SETD4: variants seen among roughly 807,000 people sequenced by gnomAD.
SETD4 encodes SET domain containing 4, also known as SET domain-containing protein 4.
Under a neutral mutation model 58.3 loss-of-function variants are expected in SETD4, and 46 were observed. That is an observed-to-expected ratio of 0.79 (90% confidence interval 0.62 to 1.01). SETD4 has a LOEUF of 1.01. Among genes scored for constraint, SETD4 ranks in the 50% least tolerant of loss-of-function variants. SETD4 has a pLI of 0.00. For missense variants in SETD4, 490 were observed against 523.3 expected (o/e 0.94, Z 0.62); for synonymous variants, 190 against 202.6 (o/e 0.94, Z 0.53).
intron 1 of SETD4, 21 bp from the exon 2 acceptor site, chr21:36,058,945 A>G: frequency 6.5e-7 from 1 of 1,528,584 alleles, no homozygotes. Context: ...AAAAAGGACA[A>G]AACTGTAATT....
chr21:36,049,981 C>T (rs1239946482), intron 4 of SETD4, among the ~76,000 whole-genome samples: 3 of 152,178 alleles, frequency 2.0e-5, no homozygotes, highest in Non-Finnish European at 2.9e-5. Flanking sequence ...CTTAATACTA[C>T]TGAACTTCAA....
chr21:36,052,384 T>TAAAA (rs143468751), intron 4 of SETD4, among the ~76,000 whole-genome samples: 7 of 122,696 alleles, frequency 5.7e-5, no homozygotes, highest in African/African-American at 2.2e-4. Flanking sequence ...CTGTCTCTAC[T>TAAAA]AAAAAAAAAA....
chr21:36,056,357 G>A (rs1483992918), intron 3 of SETD4, among the ~76,000 whole-genome samples: 2 of 152,190 alleles, frequency 1.3e-5, no homozygotes, highest in African/African-American at 2.4e-5. Context: ...GCCCTGTGAT[G>A]TAGAATTTTG....
rs778365890 is a variant in SETD4, at chr21:36,043,760, TAAG to T, written c.901+19_901+21del. On this transcript the variant is annotated intron_variant, in intron 7 of 11. Transcript: ENST00000332131. ...GAAAAAAATTATATAGTGTTAATGTTAAGAACAAAGTTGATTCCAACCTCTTGA... is the reference window on the plus strand; with the variant it reads ...GAAAAAAATTATATAGTGTTAATGTTAACAAAGTTGATTCCAACCTCTTGA... 4 of 1,612,630 alleles carry T rather than the reference TAAG, an allele frequency of 2.5e-6. No individual in the cohort carries two copies. The African/African-American group carries it at 5.3e-5, about 22-fold the overall frequency.
chr21:36,037,309 A>G (rs1205634610), intron 10 of SETD4, among the ~76,000 whole-genome samples: 1 of 152,174 alleles, frequency 6.6e-6, no homozygotes, highest in Non-Finnish European at 1.5e-5. Context: ...TTACTGACCA[A>G]TTAAAAATAA....
chr21:36,036,083 A>C lies in SETD4; in HGVS notation c.*32+2T>G. ...AGTCTAAAATGTGTGACTAACACCC[A>C]CCAGAGGAGGTGACCAAATGCGCTT... is the stretch of plus-strand genomic sequence containing the variant. On this transcript the variant is annotated splice_donor_variant, in intron 11 of 11. Transcript: ENST00000332131. LOFTEE classifies it low-confidence loss of function (3UTR_SPLICE). 1 of 1,614,148 alleles carries C rather than the reference A, an allele frequency of 6.2e-7. No individual in the cohort carries two copies. Among genetic ancestry groups the C allele is most frequent in the Non-Finnish European group, 8.5e-7 (1 of 1,179,992 alleles).
intron 7 of SETD4, chr21:36,042,099 G>A (rs2064093337): frequency 2.7e-6 from 1 of 366,400 alleles, no homozygotes; most frequent in African/African-American, 2.2e-5. Context: ...TTCAAGGCTG[G>A]AGGACTAAAC....
At position 36,041,906 on chromosome 21, in the gene SETD4, A is replaced by AAT. The variant is rs977554130; in HGVS notation, c.902-20_902-19dup. 2.1e-5 allele frequency: 29 copies of AAT among 1,365,542 alleles called. No homozygotes were observed. In the African/African-American group the frequency reaches 3.7e-4, roughly 17 times the overall value. 84.6% of individuals were successfully genotyped at this position (1,365,542 alleles called of 1,614,324 possible). On this transcript the variant is annotated intron_variant, in intron 7 of 11. Coordinates refer to ENST00000332131, the MANE Select transcript of SETD4 (RefSeq NM_017438.5). ...AAGTATTTCTATATTCAAAAAAAAA[A>AAT]ATCAGACTGTTAGGGCATAAATTTG...
intron 4 of SETD4, 37 bp downstream of exon 4, chr21:36,053,546 C>T: frequency 6.2e-7 from 1 of 1,612,456 alleles, no homozygotes; most frequent in Non-Finnish European, 8.5e-7. Context: ...GCAGCAAAAT[C>T]TACATTGGGT....
At chr21:36,058,369 C>CATGT (rs549094441) in intron 2 of SETD4, among the ~76,000 whole-genome samples, 131 of 152,156 alleles carry the variant, frequency 8.6e-4, no homozygotes, top group African/African-American at 3.0e-3. Flanking sequence ...GGTGCAGTGG[C>CATGT]ATGTACCTGT....
Position 36,060,522 on chromosome 21 carries a change from C to G in SETD4, c.-212G>C, listed in dbSNP as rs2065240193. 1 of 152,720 alleles carries G rather than the reference C, an allele frequency of 6.5e-6. No individual in the cohort carries two copies. Among genetic ancestry groups the G allele is most frequent in the South Asian group, 2.1e-4 (1 of 4,838 alleles). The allele number at this position is 152,720 out of a possible 1,614,324, so 9.5% of individuals were successfully genotyped here. A position where few individuals can be genotyped will look rare whatever the true frequency, so the allele number is the denominator to read the frequency against. ...TCCTTAAGCAATCCAAGTCCTCAGT[C>G]TCCCGGGTCCGCCCCTTCCGCCGCG... is the stretch of plus-strand genomic sequence containing the variant. On this transcript the variant is annotated 5_prime_UTR_variant, in exon 1 of 12. Transcript: ENST00000332131.
intron 10 of SETD4, 53 bp downstream of exon 10, chr21:36,038,097 G>A: frequency 6.3e-7 from 1 of 1,575,072 alleles, no homozygotes; most frequent in East Asian, 2.2e-5. Context: ...TACAAAACAA[G>A]GAACTGCTGA....
At chr21:36,037,718 G>A (rs2063849841) in intron 10 of SETD4, among the ~76,000 whole-genome samples, 1 of 151,730 alleles carries the variant, frequency 6.6e-6, no homozygotes, top group African/African-American at 2.4e-5. Context: ...GGTGGTTCAG[G>A]CCAGGCGCAG....
intron 1 of SETD4, 159 bp from the exon 2 acceptor site, chr21:36,059,083 G>T: frequency 2.3e-6 from 2 of 858,664 alleles, no homozygotes; most frequent in Non-Finnish European, 3.3e-6. Flanking sequence ...TCTCTCAAGT[G>T]CTTTTGTACA....
intron 9 of SETD4, 64 bp from the exon 10 acceptor site, chr21:36,038,337 C>T: frequency 6.4e-7 from 1 of 1,559,660 alleles, no homozygotes; most frequent in Non-Finnish European, 8.7e-7. Flanking sequence ...TTTTTTGTTT[C>T]AGTGCAACAC....
rs1444332721 is a variant in SETD4, at chr21:36,050,439, G to A, written c.208-2043C>T. 4.3e-6 allele frequency: 7 copies of A among 1,614,034 alleles called. No individual in the cohort carries two copies. The African/African-American group carries it at 5.3e-5, about 12-fold the overall frequency. ...AATCACTGCCTACCCACAAGTGGTG[G>A]TAGTCAGAGTACCAACCCCTTGGGT... On this transcript the variant is annotated intron_variant, in intron 4 of 11. Coordinates refer to ENST00000332131, the MANE Select transcript of SETD4 (RefSeq NM_017438.5).
intron 10 of SETD4, among the ~76,000 whole-genome samples, chr21:36,036,944 A>T (rs1050077157): frequency 6.6e-6 from 1 of 152,226 alleles, no homozygotes; most frequent in Non-Finnish European, 1.5e-5. Context: ...CCAATATTGC[A>T]TGATCTCACT....
At position 36,060,334 on chromosome 21, in the gene SETD4, C is replaced by T. The variant is rs532811896; in HGVS notation, c.-37+13G>A. ...GCAACTGGAGGCCCGACCCGGAAGTCCTACTAGCTCACCTAGGCGCCGGCG... is the reference window on the plus strand; with the variant it reads ...GCAACTGGAGGCCCGACCCGGAAGTTCTACTAGCTCACCTAGGCGCCGGCG... On this transcript the variant is annotated intron_variant, in intron 1 of 11. Coordinates refer to ENST00000332131, the MANE Select transcript of SETD4 (RefSeq NM_017438.5). 1 of 185,220 alleles carries T rather than the reference C, an allele frequency of 5.4e-6. No homozygotes were observed. The highest frequency in any genetic ancestry group is 1.0e-5 in the Non-Finnish European group (1 of 98,108). The allele number at this position is 185,220 out of a possible 1,614,324, so 11.5% of individuals were successfully genotyped here.
At chr21:36,050,651 T>C in intron 4 of SETD4, 2 of 1,605,418 alleles carry the variant, frequency 1.2e-6, no homozygotes, top group Non-Finnish European at 1.7e-6. Flanking sequence ...CTAAAATGAT[T>C]GATGAAGCTC....
Sources: allele counts gnomAD v4.1 joint callset (sites outside exome capture counted in the v4.1 genomes callset), GRCh38; gene constraint gnomAD v4.1.1; transcripts MANE v1.5; gene names NCBI Gene and HGNC (gene_info 2026-07-23, HGNC 2026-07-21).